Variants in NRXN1 observed in about 807,000 individuals in gnomAD.
The protein encoded by NRXN1 is neurexin-1.
In NRXN1, 39 loss-of-function variants were observed where a neutral mutation model predicts 150.9. The observed-to-expected ratio is 0.26, with a 90% CI of 0.20 to 0.34. The LOEUF is 0.34. Ranked by LOEUF, NRXN1 falls within the 10% of genes least tolerant of loss-of-function variation. The probability of loss-of-function intolerance (pLI) is 1.00; values close to 1 mark genes in which losing one functional copy is unlikely to be tolerated. For missense variants in NRXN1, 1,815 were observed against 1,949.9 expected, an observed-to-expected ratio of 0.93 and a Z score of 1.30; for synonymous variants, 924 against 757.0, an observed-to-expected ratio of 1.22 and a Z score of -3.62.
chr2:50,854,031 C>T (rs1370082976), intron 5 of NRXN1, among the ~76,000 whole-genome samples: 6 of 152,114 alleles, frequency 3.9e-5, no homozygotes, highest in East Asian at 1.9e-4. Context: ...ATGATAACTA[C>T]ATTTTTAATC....
At chr2:51,015,139 CATT>C (rs2105227435) in intron 2 of NRXN1, among the ~76,000 whole-genome samples, 1 of 152,140 alleles carries the variant, frequency 6.6e-6, no homozygotes, top group African/African-American at 2.4e-5. Context: ...TCAATGTCCT[CATT>C]GTTTCAAATT....
intron 2 of NRXN1, among the ~76,000 whole-genome samples, chr2:50,964,463 CT>C (rs1326919100): frequency 1.3e-5 from 2 of 151,402 alleles, no homozygotes; most frequent in Admixed American, 6.6e-5. Flanking sequence ...AAGGATGTAA[CT>C]TTTTCATTTA....
Position 50,997,546 on chromosome 2 carries a change from G to T in NRXN1, c.772+29956C>A, listed in dbSNP as rs189011370. Among the ~76,000 whole-genome samples the T allele has an allele frequency of 8.7e-4, 122 of 140,590 alleles. 34 individuals are homozygous for T. The highest frequency in any genetic ancestry group is 3.6e-3 in the African/African-American group (120 of 33,266). 92.2% of individuals were successfully genotyped at this position (140,590 alleles called of 152,430 possible). A position where few individuals can be genotyped will look rare whatever the true frequency, so the allele number is the denominator to read the frequency against. On this transcript the variant is annotated intron_variant, in intron 2 of 22. Coordinates refer to ENST00000401669, the MANE Select transcript of NRXN1 (RefSeq NM_001330078.2). ...TTTTATAGACAGGCTCTCACTCTGT[G>T]CCCTAGGCTGGAGTGCAGTGGCATG...
chr2:50,696,970 A>T (rs934822005), intron 5 of NRXN1, among the ~76,000 whole-genome samples: 1 of 152,024 alleles, frequency 6.6e-6, no homozygotes, highest in Non-Finnish European at 1.5e-5. Context: ...TTGTTTCCAA[A>T]TTGTTGCTTT....
intron 5 of NRXN1, among the ~76,000 whole-genome samples, chr2:50,886,203 G>T (rs987150833): frequency 6.6e-6 from 1 of 151,034 alleles, no homozygotes; most frequent in African/African-American, 2.4e-5. Context: ...TAACTGGCTA[G>T]ATAACATGTA....
intron 18 of NRXN1, among the ~76,000 whole-genome samples, chr2:50,148,265 T>C (rs1406612108): frequency 6.6e-6 from 1 of 151,650 alleles, no homozygotes; most frequent in East Asian, 1.9e-4. Context: ...CACCATTTAT[T>C]GATTACATGA....
At chr2:50,669,495 GATACAGCATAACT>G (rs1249687676) in intron 5 of NRXN1, among the ~76,000 whole-genome samples, 1 of 151,942 alleles carries the variant, frequency 6.6e-6, no homozygotes, top group Non-Finnish European at 1.5e-5. Flanking sequence ...CTCACTTGGA[GATACAGCATAACT>G]ATTAACTAAC....
intron 21 of NRXN1, among the ~76,000 whole-genome samples, chr2:49,965,172 G>GTCCGGT (rs1316556382): frequency 6.6e-6 from 1 of 151,784 alleles, no homozygotes; most frequent in African/African-American, 2.4e-5. Flanking sequence ...GAGCCACTAT[G>GTCCGGT]TCCGGTTTCA....
chr2:50,211,548 G>A lies in NRXN1; in HGVS notation c.3546+25241C>T, dbSNP rs188047664. On this transcript the variant is annotated intron_variant, in intron 18 of 22. Transcript: ENST00000401669. ...TATGCCTGTGATTTCCATTATAACAGCAAAAGAAATGTGACGATTCAATAA... is the reference window on the plus strand; with the variant it reads ...TATGCCTGTGATTTCCATTATAACAACAAAAGAAATGTGACGATTCAATAA... Among the ~76,000 whole-genome samples, 490 of 151,148 alleles carry A rather than the reference G, an allele frequency of 3.2e-3. 2 individuals carry two copies. Among genetic ancestry groups the A allele is most frequent in the African/African-American group, 0.011 (468 of 41,358 alleles).
intron 5 of NRXN1, among the ~76,000 whole-genome samples, chr2:50,775,522 C>A (rs2105476803): frequency 6.6e-6 from 1 of 152,234 alleles, no homozygotes; most frequent in South Asian, 2.1e-4. Flanking sequence ...CTAACACATG[C>A]TTTGAGAATC....
At chr2:50,857,846 C>A (rs1380723736) in intron 5 of NRXN1, among the ~76,000 whole-genome samples, 1 of 152,014 alleles carries the variant, frequency 6.6e-6, no homozygotes, top group Admixed American at 6.6e-5. Flanking sequence ...GAATAAAATT[C>A]AGACCAAAGC....
At chr2:50,722,412 G>C (rs1292878710) in intron 5 of NRXN1, among the ~76,000 whole-genome samples, 1 of 152,022 alleles carries the variant, frequency 6.6e-6, no homozygotes, top group East Asian at 1.9e-4. Context: ...TATTGGTCAG[G>C]TTAATTATGA....
chr2:50,757,721 T>G (rs1408175247), intron 5 of NRXN1, among the ~76,000 whole-genome samples: 1 of 151,766 alleles, frequency 6.6e-6, no homozygotes, highest in African/African-American at 2.4e-5. Context: ...AGTCTTTGAT[T>G]GGGCATGACC....
intron 5 of NRXN1, among the ~76,000 whole-genome samples, chr2:50,803,676 T>C (rs570063282): frequency 6.6e-6 from 1 of 152,336 alleles, no homozygotes; most frequent in East Asian, 1.9e-4. Flanking sequence ...TAATAAACCA[T>C]GCTGTTTGAG....
At chr2:49,924,315 GA>G (rs1668715321) in intron 22 of NRXN1, among the ~76,000 whole-genome samples, 3 of 152,108 alleles carry the variant, frequency 2.0e-5, no homozygotes, top group Admixed American at 6.6e-5. Flanking sequence ...AGGGAGAATG[GA>G]GATAACATTT....
chr2:50,476,397 T>C (rs370090283), intron 15 of NRXN1, among the ~76,000 whole-genome samples: 49 of 152,248 alleles, frequency 3.2e-4, no homozygotes, highest in African/African-American at 1.1e-3. Flanking sequence ...GCTGTCTCAG[T>C]GTAGGCAAGT....
chr2:50,959,827 A>C (rs1692857327), intron 2 of NRXN1, among the ~76,000 whole-genome samples: 1 of 152,058 alleles, frequency 6.6e-6, no homozygotes, highest in South Asian at 2.1e-4. Flanking sequence ...GGAAATTAAA[A>C]CTAGAAATAA....
intron 5 of NRXN1, among the ~76,000 whole-genome samples, chr2:50,680,959 C>T (rs974008755): frequency 6.6e-6 from 1 of 151,924 alleles, no homozygotes. Flanking sequence ...TCTAACACTA[C>T]AATAATAATA....
At chr2:50,178,634 CT>C (rs910271261) in intron 18 of NRXN1, among the ~76,000 whole-genome samples, 66 of 151,716 alleles carry the variant, frequency 4.4e-4, no homozygotes, top group Non-Finnish European at 8.4e-4. Flanking sequence ...ACAGTAAGTA[CT>C]TTTTTTTGGC....
Sources: allele counts gnomAD v4.1 joint callset (sites outside exome capture counted in the v4.1 genomes callset), GRCh38; gene constraint gnomAD v4.1.1; transcripts MANE v1.5; gene names NCBI Gene and HGNC (gene_info 2026-07-23, HGNC 2026-07-21).